The following HS6ST2 variants were observed in gnomAD, a reference collection of about 807,000 sequenced individuals.
HS6ST2 encodes the protein heparan sulfate 6-O-sulfotransferase 2.
HS6ST2 carries 17 observed loss-of-function variants against 33.0 expected under a neutral mutation model. The ratio of observed to expected loss-of-function variants is 0.52; its 90% CI spans 0.35 to 0.77. HS6ST2 has a LOEUF of 0.77. Among genes scored for constraint, HS6ST2 ranks in the 30% least tolerant of loss-of-function variants. The pLI is 0.01. For synonymous variants in HS6ST2, 248 were observed against 237.1 expected (o/e 1.05, Z -0.42); for missense variants, 519 against 551.7 (o/e 0.94, Z 0.59).
chrX:132,898,437 G>T (rs1442383761), intron 2 of HS6ST2, among the ~76,000 whole-genome samples: 1 of 104,586 alleles, frequency 9.6e-6, no homozygotes, highest in African/African-American at 3.4e-5. Context: ...AAGCTGAAGA[G>T]TTAGCCCTTG....
At chrX:132,919,732 C>G (rs2066631328) in intron 2 of HS6ST2, among the ~76,000 whole-genome samples, 1 of 112,012 alleles carries the variant, frequency 8.9e-6, no homozygotes, top group Non-Finnish European at 1.9e-5. Context: ...ACTCAGGCTA[C>G]AAAGCAGCCA....
At chrX:132,879,758 C>G (rs982721222) in intron 2 of HS6ST2, among the ~76,000 whole-genome samples, 1 of 111,967 alleles carries the variant, frequency 8.9e-6, no homozygotes, top group African/African-American at 3.2e-5. Flanking sequence ...GTTCTGGGTA[C>G]TGGAAATACA....
intron 2 of HS6ST2, among the ~76,000 whole-genome samples, chrX:132,713,776 G>T (rs753454615): frequency 1.8e-5 from 2 of 110,760 alleles, no homozygotes; most frequent in South Asian, 8.1e-4. Context: ...TCTTTTCACA[G>T]TGTCTGCCCT....
intron 2 of HS6ST2, among the ~76,000 whole-genome samples, chrX:132,885,191 C>G (rs111982433): frequency 1.8e-5 from 2 of 111,603 alleles, no homozygotes; most frequent in African/African-American, 6.5e-5. Flanking sequence ...AGGAATGAAG[C>G]AATGATTCAT....
At chrX:132,752,265 A>T (rs2064713290) in intron 2 of HS6ST2, among the ~76,000 whole-genome samples, 1 of 110,796 alleles carries the variant, frequency 9.0e-6, no homozygotes, top group South Asian at 3.9e-4. Flanking sequence ...TGAGGTCAGG[A>T]GTTCGAGACC....
intron 2 of HS6ST2, among the ~76,000 whole-genome samples, chrX:132,785,090 C>T (rs962599177): frequency 2.7e-5 from 3 of 112,366 alleles, no homozygotes; most frequent in South Asian, 7.4e-4. Context: ...ACATTGACAG[C>T]TAACAATGTA....
At chrX:132,799,201 T>C (rs2065212793) in intron 2 of HS6ST2, among the ~76,000 whole-genome samples, 1 of 110,410 alleles carries the variant, frequency 9.1e-6, no homozygotes, top group African/African-American at 3.3e-5. Flanking sequence ...TAAATGCACT[T>C]ATCTGATTAA....
intron 2 of HS6ST2, among the ~76,000 whole-genome samples, chrX:132,817,181 C>G (rs150292995): frequency 4.5e-5 from 5 of 111,533 alleles, no homozygotes; most frequent in Admixed American, 3.8e-4. Flanking sequence ...CATCTCCCCC[C>G]ACCTTCCCCT....
chrX:132,775,877 C>T (rs1321541734), intron 2 of HS6ST2, among the ~76,000 whole-genome samples: 1 of 111,632 alleles, frequency 9.0e-6, no homozygotes, highest in Non-Finnish European at 1.9e-5. Context: ...AGCCACAGTA[C>T]AAGGCTCATG....
At chrX:132,928,215 G>A (rs1000949793) in intron 2 of HS6ST2, among the ~76,000 whole-genome samples, 5 of 108,406 alleles carry the variant, frequency 4.6e-5, no homozygotes, top group East Asian at 2.9e-4. Flanking sequence ...GGGTTCAAGC[G>A]ATTCTCCTGC....
chrX:132,957,272 G>C lies in HS6ST2; in HGVS notation c.483C>G (p.Leu161=), dbSNP rs555291278. ...SNKLLLALVM[L]FLFAVIVLQY... ...GGAGGACGATCACGGCAAATAGGAAGAGCATCACCAAAGCTAGCAGCAGCT... is the reference window on the plus strand; with the variant it reads ...GGAGGACGATCACGGCAAATAGGAACAGCATCACCAAAGCTAGCAGCAGCT... The change falls in exon 2 of 5, where the codon CTC becomes CTG. Residue 161 remains leucine, a synonymous_variant. Transcript: ENST00000370833. 2.5e-6 allele frequency: 3 copies of C among 1,180,556 alleles called. No homozygotes were observed. The highest frequency in any genetic ancestry group is 3.9e-5 in the South Asian group (2 of 51,381).
chrX:132,928,763 C>G (rs1432703610), intron 2 of HS6ST2, among the ~76,000 whole-genome samples: 1 of 111,261 alleles, frequency 9.0e-6, no homozygotes. Context: ...AAAATCAGTA[C>G]CTATGGCACT....
chrX:132,944,779 G>C (rs1341081742), intron 2 of HS6ST2, among the ~76,000 whole-genome samples: 1 of 110,442 alleles, frequency 9.1e-6, no homozygotes, highest in Admixed American at 9.6e-5. Context: ...AATAAATGGT[G>C]CTGGGAAAAC....
chrX:132,854,694 TC>T (rs2148411074), intron 2 of HS6ST2, among the ~76,000 whole-genome samples: 1 of 112,605 alleles, frequency 8.9e-6, no homozygotes, highest in South Asian at 3.7e-4. Flanking sequence ...TAAGACTATT[TC>T]TTTTACATTA....
intron 2 of HS6ST2, among the ~76,000 whole-genome samples, chrX:132,792,828 G>A (rs1420638119): frequency 2.7e-5 from 3 of 110,672 alleles, no homozygotes; most frequent in Non-Finnish European, 5.7e-5. Context: ...GCATATATCA[G>A]TCCTGTTTAT....
At chrX:132,690,427 T>G (rs748090982) in intron 3 of HS6ST2, among the ~76,000 whole-genome samples, 1 of 112,144 alleles carries the variant, frequency 8.9e-6, no homozygotes, top group Admixed American at 9.5e-5. Context: ...TTCAGCTGTT[T>G]TATGTTCAAA....
chrX:132,881,162 A>C (rs1413283893), intron 2 of HS6ST2, among the ~76,000 whole-genome samples: 1 of 111,298 alleles, frequency 9.0e-6, no homozygotes, highest in Non-Finnish European at 1.9e-5. Context: ...TGGCTGGGTC[A>C]AATGGTATTT....
rs891800173 is a variant in HS6ST2 at position 132,796,418 on chromosome X, C to G, written c.948-87924G>C. 5.3e-5 allele frequency among the ~76,000 whole-genome samples: 6 copies of G among 112,365 alleles called. No individual in the cohort carries two copies. The South Asian group carries it at 2.2e-3, about 42-fold the overall frequency. On this transcript the variant is annotated intron_variant, in intron 2 of 4. Coordinates refer to ENST00000370833, the MANE Select transcript of HS6ST2 (RefSeq NM_001394073.1). ...TCTGGCCTAGGGTATGCTCTAAGTA[C>G]CTACCATATGCTTTCAATAAAAAGA...
At chrX:132,660,176 C>G (rs753761883) in intron 4 of HS6ST2, among the ~76,000 whole-genome samples, 6 of 111,851 alleles carry the variant, frequency 5.4e-5, no homozygotes, top group African/African-American at 1.9e-4. Context: ...GGAATTTTGC[C>G]TGTTTTGTTC....
Sources: gnomAD v4.1 joint callset for allele counts (sites outside exome capture counted in the v4.1 genomes callset) on GRCh38, gnomAD v4.1.1 for gene constraint, MANE v1.5 for transcripts, NCBI Gene and HGNC (gene_info 2026-07-23, HGNC 2026-07-21) for gene names.